ZBTB20: variants seen among roughly 807,000 people sequenced by gnomAD.
ZBTB20 encodes zinc finger and BTB domain-containing protein 20.
In ZBTB20, 9 loss-of-function variants were observed where a neutral mutation model predicts 56.9. The ratio of observed to expected loss-of-function variants is 0.16; its 90% confidence interval spans 0.10 to 0.28. The LOEUF (loss-of-function observed/expected upper bound fraction) is 0.28. Ranked by LOEUF, ZBTB20 falls within the 10% of genes least tolerant of loss-of-function variation. The probability of loss-of-function intolerance (pLI) is 1.00; values close to 1 mark genes in which losing one functional copy is unlikely to be tolerated. For synonymous variants in ZBTB20, 417 were observed against 420.7 expected (o/e 0.99, Z 0.11); for missense variants, 655 against 1,003.0 (o/e 0.65, Z 4.69).
At chr3:114,578,445 C>T (rs979464603) in intron 6 of ZBTB20, among the ~76,000 whole-genome samples, 2 of 151,818 alleles carry the variant, frequency 1.3e-5, no homozygotes, top group Admixed American at 6.6e-5. Flanking sequence ...AAACTGGAGT[C>T]CTGAGATTAA....
chr3:115,125,968 G>T (rs2084321112), intron 1 of ZBTB20, among the ~76,000 whole-genome samples: 2 of 151,922 alleles, frequency 1.3e-5, no homozygotes, highest in South Asian at 4.1e-4. Flanking sequence ...GATAGAATTA[G>T]TATCTATAAT....
intron 3 of ZBTB20, among the ~76,000 whole-genome samples, chr3:114,914,163 G>A (rs1489236019): frequency 6.6e-6 from 1 of 151,910 alleles, no homozygotes; most frequent in Non-Finnish European, 1.5e-5. Context: ...AGACTGCCTT[G>A]GGTAGTATGG....
chr3:114,748,026 GA>G (rs569218213), intron 5 of ZBTB20, among the ~76,000 whole-genome samples: 56 of 150,522 alleles, frequency 3.7e-4, no homozygotes, highest in Middle Eastern at 3.4e-3. Flanking sequence ...CAAAAAGTGA[GA>G]AAAAAACTAC....
At chr3:114,706,122 A>G (rs78524245) in intron 5 of ZBTB20, among the ~76,000 whole-genome samples, 3,712 of 152,180 alleles carry the variant, frequency 0.024, 131 homozygotes, top group African/African-American at 0.083. Context: ...TTGAGTTTGA[A>G]TCCCAGGTTT....
intron 4 of ZBTB20, among the ~76,000 whole-genome samples, chr3:114,887,510 G>C (rs916452841): frequency 3.9e-5 from 6 of 152,096 alleles, no homozygotes; most frequent in Admixed American, 3.3e-4. Flanking sequence ...CTTTTAATAG[G>C]AGGAGAGGAC....
intron 6 of ZBTB20, among the ~76,000 whole-genome samples, chr3:114,500,785 T>C (rs926912970): frequency 1.3e-5 from 2 of 152,224 alleles, no homozygotes; most frequent in African/African-American, 4.8e-5. Context: ...AAGCTAAACA[T>C]TTAGTTCCTC....
At chr3:114,670,368 C>T (rs946874635) in intron 6 of ZBTB20, among the ~76,000 whole-genome samples, 4 of 152,020 alleles carry the variant, frequency 2.6e-5, no homozygotes, top group Non-Finnish European at 4.4e-5. Context: ...ACTGGATTAG[C>T]CTCACAAAGA....
At chr3:114,488,118 C>T (rs1026018986) in intron 7 of ZBTB20, among the ~76,000 whole-genome samples, 3 of 152,166 alleles carry the variant, frequency 2.0e-5, no homozygotes, top group Non-Finnish European at 4.4e-5. Flanking sequence ...CAGGTGAATA[C>T]TTACCACCTC....
chr3:114,843,026 T>C (rs1027804005), intron 4 of ZBTB20, among the ~76,000 whole-genome samples: 22 of 152,164 alleles, frequency 1.4e-4, no homozygotes, highest in African/African-American at 5.3e-4. Flanking sequence ...TTAAAGTTAT[T>C]TGGCAGTCTC....
At chr3:114,807,163 G>A (rs372797969) in intron 4 of ZBTB20, among the ~76,000 whole-genome samples, 1 of 151,870 alleles carries the variant, frequency 6.6e-6, no homozygotes, top group South Asian at 2.1e-4. Flanking sequence ...GAATTGAACT[G>A]TTTTCTTAAT....
chr3:114,858,162 T>C (rs2075335343), intron 4 of ZBTB20, among the ~76,000 whole-genome samples: 1 of 152,200 alleles, frequency 6.6e-6, no homozygotes. Context: ...ATATTAGGCA[T>C]TTTTCACTTG....
At chr3:115,025,879 T>C (rs1011398992) in intron 2 of ZBTB20, among the ~76,000 whole-genome samples, 1 of 148,506 alleles carries the variant, frequency 6.7e-6, no homozygotes, top group African/African-American at 2.4e-5. Flanking sequence ...ATAAGAGAAA[T>C]ATATAAAATA....
chr3:114,388,657 C>G (rs1419856524), intron 8 of ZBTB20: 1 of 152,386 alleles, frequency 6.6e-6, no homozygotes, highest in Non-Finnish European at 1.5e-5. Flanking sequence ...TGAGATTCAA[C>G]AGTGGCACGG....
intron 2 of ZBTB20, among the ~76,000 whole-genome samples, chr3:114,992,665 T>G (rs985733815): frequency 6.6e-6 from 1 of 151,850 alleles, no homozygotes; most frequent in African/African-American, 2.4e-5. Flanking sequence ...GAACAGAAGC[T>G]GAGACTCCCA....
At chr3:114,851,090 G>A (rs2074978607) in intron 4 of ZBTB20, among the ~76,000 whole-genome samples, 1 of 152,168 alleles carries the variant, frequency 6.6e-6, no homozygotes, top group Non-Finnish European at 1.5e-5. Context: ...TCTGTGTGAG[G>A]GATGCCGAGT....
At chr3:115,106,753 C>A (rs1247887414) in intron 1 of ZBTB20, among the ~76,000 whole-genome samples, 3 of 151,986 alleles carry the variant, frequency 2.0e-5, no homozygotes, top group Admixed American at 2.0e-4. Flanking sequence ...ATTTTATATG[C>A]CTCTCTCCCT....
chr3:114,386,287 C>T (rs958296414), intron 8 of ZBTB20, among the ~76,000 whole-genome samples: 1 of 151,914 alleles, frequency 6.6e-6, no homozygotes, highest in East Asian at 1.9e-4. Flanking sequence ...TTTTTTTAAC[C>T]TTGGCAGGGC....
chr3:114,394,461 C>T (rs1308599320), intron 7 of ZBTB20, among the ~76,000 whole-genome samples: 1 of 152,188 alleles, frequency 6.6e-6, no homozygotes, highest in Non-Finnish European at 1.5e-5. Context: ...CTGGAAAGAT[C>T]TGGGAGCACA....
chr3:114,947,700 ATG>A (rs1156608132), intron 3 of ZBTB20, among the ~76,000 whole-genome samples: 1 of 145,840 alleles, frequency 6.9e-6, no homozygotes, highest in African/African-American at 2.8e-5. Flanking sequence ...AATGGGTACT[ATG>A]TGTGTTATTC....
Sources: gnomAD v4.1 joint callset for allele counts (sites outside exome capture counted in the v4.1 genomes callset) on GRCh38, gnomAD v4.1.1 for gene constraint, MANE v1.5 for transcripts, NCBI Gene and HGNC (gene_info 2026-07-23, HGNC 2026-07-21) for gene names.